The following MARCHF4 variants were observed in gnomAD, a reference collection of about 807,000 sequenced individuals.
MARCHF4 encodes membrane associated ring-CH-type finger 4, also known as E3 ubiquitin-protein ligase MARCHF4.
MARCHF4 carries 14 observed loss-of-function variants against 43.9 expected under a neutral mutation model. That is an observed-to-expected ratio of 0.32 (90% confidence interval 0.21 to 0.50). The LOEUF (loss-of-function observed/expected upper bound fraction) is 0.50. Ranked by LOEUF, MARCHF4 falls within the 20% of genes least tolerant of loss-of-function variation. The pLI is 0.98. For synonymous variants in MARCHF4, 226 were observed against 213.3 expected, an observed-to-expected ratio of 1.06 and a Z score of -0.52; for missense variants, 468 against 536.7, an observed-to-expected ratio of 0.87 and a Z score of 1.27.
chr2:216,351,573 C>T (rs945076001), intron 1 of MARCHF4: 2 of 152,106 alleles, frequency 1.3e-5, no homozygotes, highest in African/African-American at 4.8e-5. Context: ...AGCCAAGGGG[C>T]CAAGGCCACC....
At chr2:216,268,428 C>G (rs1296755998) in intron 3 of MARCHF4, among the ~76,000 whole-genome samples, 1 of 152,176 alleles carries the variant, frequency 6.6e-6, no homozygotes, top group Non-Finnish European at 1.5e-5. Context: ...GTGATTGGAT[C>G]ATGGAGGCGG....
chr2:216,340,785 T>C (rs560902611), intron 1 of MARCHF4, among the ~76,000 whole-genome samples: 1 of 152,272 alleles, frequency 6.6e-6, no homozygotes, highest in South Asian at 2.1e-4. Context: ...ACAAGGGAAG[T>C]ATAGTATATA....
intron 1 of MARCHF4, among the ~76,000 whole-genome samples, chr2:216,332,032 T>C (rs1692087406): frequency 6.6e-6 from 1 of 152,148 alleles, no homozygotes; most frequent in Non-Finnish European, 1.5e-5. Flanking sequence ...AAGAATAAAA[T>C]TTGCATTATT....
intron 1 of MARCHF4, among the ~76,000 whole-genome samples, chr2:216,342,801 C>T (rs1259952048): frequency 6.6e-6 from 1 of 152,166 alleles, no homozygotes; most frequent in Non-Finnish European, 1.5e-5. Context: ...GTACACCCTC[C>T]CTTCCAGGAT....
At chr2:216,294,365 T>C (rs1257895973) in intron 1 of MARCHF4, among the ~76,000 whole-genome samples, 1 of 152,266 alleles carries the variant, frequency 6.6e-6, no homozygotes, top group Non-Finnish European at 1.5e-5. Flanking sequence ...TTTCAGTCAC[T>C]GTAATTAATA....
chr2:216,283,926 C>T (rs1369976134), intron 1 of MARCHF4, among the ~76,000 whole-genome samples, 197 bp from the exon 2 acceptor site: 1 of 152,048 alleles, frequency 6.6e-6, no homozygotes, highest in Non-Finnish European at 1.5e-5. Context: ...TGTTGGTCAG[C>T]ACAACAAACG....
chr2:216,302,519 C>T lies in MARCHF4; in HGVS notation c.517-18790G>A, dbSNP rs190087844. On this transcript the variant is annotated intron_variant, in intron 1 of 3. Coordinates refer to ENST00000273067, the MANE Select transcript of MARCHF4 (RefSeq NM_020814.3). Reference sequence around the variant, plus strand: ...CTGGGATTACAGGCATGAGCCACTGCGCCTGGCTATTTTCAAATTTTTATT... The same window carrying T: ...CTGGGATTACAGGCATGAGCCACTGTGCCTGGCTATTTTCAAATTTTTATT... Among the ~76,000 whole-genome samples, 137 of 151,954 alleles carry T rather than the reference C, an allele frequency of 9.0e-4. 3 individuals carry two copies. In the South Asian group the frequency reaches 0.017, roughly 18 times the overall value.
At position 216,370,578 on chromosome 2, in the gene MARCHF4, G is replaced by A. The variant is rs1180964245; in HGVS notation, c.-318C>T. The A allele has an allele frequency of 3.7e-6, 1 of 272,228 alleles. No individual in the cohort carries two copies. The highest frequency in any genetic ancestry group is 6.6e-5 in the East Asian group (1 of 15,050). 16.9% of individuals were successfully genotyped at this position (272,228 alleles called of 1,614,324 possible). ...CTGAGGACACTGGTAGGAGCAGAGG[G>A]ATTGAAGAAGCGTGGTGGAGGGGCC... On this transcript the variant is annotated 5_prime_UTR_variant, in exon 1 of 4. Transcript: ENST00000273067.
At chr2:216,282,873 T>C (rs1183272884) in intron 2 of MARCHF4, among the ~76,000 whole-genome samples, 3 of 152,162 alleles carry the variant, frequency 2.0e-5, no homozygotes, top group African/African-American at 7.2e-5. Context: ...CTTATTCCCA[T>C]TTTTCTCTGC....
At chr2:216,264,841 T>C (rs1305077921) in intron 3 of MARCHF4, among the ~76,000 whole-genome samples, 1 of 152,240 alleles carries the variant, frequency 6.6e-6, no homozygotes, top group Non-Finnish European at 1.5e-5. Flanking sequence ...TAATGGATAG[T>C]TGGCTGAAGG....
In MARCHF4 at chr2:216,259,344, G is replaced by A. The variant is rs1690702093; in HGVS notation, c.1201C>T (p.Arg401Ter). ...GTCGTGACTCTCATGACCAGCTCTCGGCTGCTGCCTGGGGGACTTCGCTGT... is the reference window on the plus strand; with the variant it reads ...GTCGTGACTCTCATGACCAGCTCTCAGCTGCTGCCTGGGGGACTTCGCTGT... ...HEQRSPPGSS[R>*]ELVMRVTTV Residue 401 changes from arginine to a stop codon, truncating the protein, a stop_gained, in exon 4 of 4, where the codon CGA (arginine) becomes TGA (stop). Transcript: ENST00000273067. LOFTEE classifies it high-confidence loss of function. The A allele has an allele frequency of 1.3e-6, 2 of 1,573,234 alleles. No individual in the cohort carries two copies. Among genetic ancestry groups the A allele is most frequent in the East Asian group, 2.3e-5 (1 of 44,364 alleles).
Position 216,352,369 on chromosome 2 carries a change from A to C in MARCHF4, c.516+17376T>G, listed in dbSNP as rs150624708. ...TCAAGGGAAACTCAGCTGCCCCAGC[A>C]GATGCTCCAGGGAGGTCGACACAAC... On this transcript the variant is annotated intron_variant, in intron 1 of 3. Coordinates refer to ENST00000273067, the MANE Select transcript of MARCHF4 (RefSeq NM_020814.3). Among the ~76,000 whole-genome samples the C allele has an allele frequency of 4.2e-3, 641 of 152,364 alleles. 2 individuals are homozygous for C. The highest frequency in any genetic ancestry group is 6.6e-3 in the Non-Finnish European group (447 of 68,036).
chr2:216,285,968 G>A (rs1455199327), intron 1 of MARCHF4, among the ~76,000 whole-genome samples: 1 of 152,216 alleles, frequency 6.6e-6, no homozygotes, highest in Non-Finnish European at 1.5e-5. Context: ...GCAGCCAAGA[G>A]ACAAGGCAGG....
chr2:216,264,811 A>C (rs1329216133), intron 3 of MARCHF4, among the ~76,000 whole-genome samples: 1 of 152,242 alleles, frequency 6.6e-6, no homozygotes, highest in Non-Finnish European at 1.5e-5. Context: ...TCTAGTGTTC[A>C]GGAAGTAGTT....
chr2:216,324,453 T>C (rs1298492286), intron 1 of MARCHF4, among the ~76,000 whole-genome samples: 12 of 152,040 alleles, frequency 7.9e-5, no homozygotes, highest in Admixed American at 7.9e-4. Context: ...GAACCCTCCC[T>C]AACTCATTTT....
intron 3 of MARCHF4, among the ~76,000 whole-genome samples, chr2:216,267,825 T>C (rs921347259): frequency 1.2e-4 from 19 of 152,210 alleles, no homozygotes; most frequent in Non-Finnish European, 2.8e-4. Context: ...TCCTAAAATA[T>C]GTTGAGCTTT....
intron 3 of MARCHF4, among the ~76,000 whole-genome samples, chr2:216,261,333 T>C (rs1177147260): frequency 6.6e-6 from 1 of 152,150 alleles, no homozygotes; most frequent in East Asian, 1.9e-4. Flanking sequence ...TTCTGCCTCG[T>C]TCTTGCATCA....
At chr2:216,361,147 A>T (rs1402112022) in intron 1 of MARCHF4, among the ~76,000 whole-genome samples, 1 of 152,218 alleles carries the variant, frequency 6.6e-6, no homozygotes, top group Non-Finnish European at 1.5e-5. Context: ...TCTAGCTAAA[A>T]TAGTGCATGT....
intron 3 of MARCHF4, among the ~76,000 whole-genome samples, chr2:216,268,714 G>C (rs1690886019): frequency 1.3e-5 from 2 of 152,206 alleles, no homozygotes; most frequent in Non-Finnish European, 2.9e-5. Context: ...ACCTAGATCT[G>C]CTTCCTAGTT....
Sources: allele counts gnomAD v4.1 joint callset (sites outside exome capture counted in the v4.1 genomes callset), GRCh38; gene constraint gnomAD v4.1.1; transcripts MANE v1.5; gene names NCBI Gene and HGNC (gene_info 2026-07-23, HGNC 2026-07-21).